CCDC7: variants seen among roughly 807,000 people sequenced by gnomAD.
CCDC7 encodes the protein coiled-coil domain containing 7.
In CCDC7, 183 loss-of-function variants were observed where a neutral mutation model predicts 196.9. That is an observed-to-expected ratio of 0.93 (90% CI 0.82 to 1.05). CCDC7 has a LOEUF of 1.05. CCDC7 is among the 50% of genes least tolerant of loss of function. The probability of loss-of-function intolerance (pLI) is 0.00; values close to 1 mark genes in which losing one functional copy is unlikely to be tolerated. For missense variants in CCDC7, 1,540 were observed against 1,482.2 expected (o/e 1.04, Z -0.64); for synonymous variants, 525 against 484.6 (o/e 1.08, Z -1.10).
At chr10:32,705,678 G>C (rs567741680) in intron 24 of CCDC7, among the ~76,000 whole-genome samples, 1 of 152,086 alleles carries the variant, frequency 6.6e-6, no homozygotes, top group Non-Finnish European at 1.5e-5. Flanking sequence ...CCTAGTCTCT[G>C]TTAAAACAGA....
At chr10:32,714,397 C>T (rs575397765) in intron 25 of CCDC7, among the ~76,000 whole-genome samples, 3 of 152,280 alleles carry the variant, frequency 2.0e-5, no homozygotes, top group South Asian at 2.1e-4. Context: ...CCACAGTCTT[C>T]GCATCACGCA....
At chr10:32,679,882 T>TA (rs1441477065) in intron 21 of CCDC7, among the ~76,000 whole-genome samples, 2 of 152,204 alleles carry the variant, frequency 1.3e-5, no homozygotes, top group Non-Finnish European at 2.9e-5. Flanking sequence ...GGTAAACTGA[T>TA]CCTAATCATC....
intron 30 of CCDC7, 21 bp from the exon 32 acceptor site, chr10:32,814,349 G>T: frequency 6.7e-7 from 1 of 1,484,966 alleles, no homozygotes; most frequent in South Asian, 1.1e-5. Flanking sequence ...ACAGTGTTTT[G>T]ATACCTGTTT....
exon 19 of CCDC7, chr10:32,634,303 A>G: frequency 8.2e-7 from 1 of 1,219,838 alleles, no homozygotes; most frequent in East Asian, 3.2e-5. Flanking sequence ...ATAAAGATTC[A>G]GTAACAAAAG....
chr10:32,738,749 C>T (rs963642543), intron 28 of CCDC7, among the ~76,000 whole-genome samples: 1 of 152,104 alleles, frequency 6.6e-6, no homozygotes, highest in Non-Finnish European at 1.5e-5. Flanking sequence ...GCTGGGACTA[C>T]AGGCAAGAGC....
intron 28 of CCDC7, among the ~76,000 whole-genome samples, chr10:32,750,489 C>T (rs1018133441): frequency 2.0e-5 from 3 of 152,084 alleles, no homozygotes; most frequent in Admixed American, 2.0e-4. Flanking sequence ...AAAGAGAGCT[C>T]TATGGAGAGA....
At chr10:32,496,470 A>G (rs2042930322) in intron 9 of CCDC7, among the ~76,000 whole-genome samples, 1 of 152,162 alleles carries the variant, frequency 6.6e-6, no homozygotes, top group Admixed American at 6.5e-5. Flanking sequence ...CCAGTTTTCA[A>G]AGGAATGCTT....
intron 20 of CCDC7, among the ~76,000 whole-genome samples, chr10:32,656,174 T>C (rs2069821217): frequency 6.6e-6 from 1 of 152,232 alleles, no homozygotes. Context: ...TTTATATTTA[T>C]TATGGCAGTT....
chr10:32,720,688 G>T (rs1307222243), intron 25 of CCDC7, among the ~76,000 whole-genome samples: 1 of 152,088 alleles, frequency 6.6e-6, no homozygotes, highest in Admixed American at 6.6e-5. Flanking sequence ...GGCATTCAGT[G>T]CACTTTCTGA....
At chr10:32,666,879 G>A (rs1321669503) in intron 21 of CCDC7, among the ~76,000 whole-genome samples, 2 of 151,994 alleles carry the variant, frequency 1.3e-5, no homozygotes, top group African/African-American at 4.8e-5. Flanking sequence ...ATAATCCTTT[G>A]GGTATATACC....
chr10:32,758,539 A>T (rs1467660336), intron 28 of CCDC7, among the ~76,000 whole-genome samples: 2 of 152,186 alleles, frequency 1.3e-5, no homozygotes, highest in African/African-American at 4.8e-5. Flanking sequence ...CCTTTGACAA[A>T]ATTCAACACC....
chr10:32,795,176 C>A (rs1364230375), intron 29 of CCDC7, among the ~76,000 whole-genome samples: 2 of 152,068 alleles, frequency 1.3e-5, no homozygotes, highest in Non-Finnish European at 2.9e-5. Flanking sequence ...CTTTTTCTTG[C>A]TCAGTTTCCT....
At chr10:32,823,229 G>A (rs538538589) in intron 31 of CCDC7, among the ~76,000 whole-genome samples, 4 of 151,442 alleles carry the variant, frequency 2.6e-5, no homozygotes, top group African/African-American at 9.7e-5. Context: ...CACAACCTCC[G>A]CCTCCCAGGT....
chr10:32,443,764 G>C (rs1440841878), upstream of CCDC7, among the ~76,000 whole-genome samples: 1 of 151,768 alleles, frequency 6.6e-6, no homozygotes, highest in East Asian at 1.9e-4. Flanking sequence ...TTTCAAGATT[G>C]TTTTGGCTCT....
chr10:32,540,486 C>T (rs1005472371), intron 11 of CCDC7, among the ~76,000 whole-genome samples: 6 of 152,172 alleles, frequency 3.9e-5, no homozygotes, highest in Non-Finnish European at 7.3e-5. Flanking sequence ...GCTTGCCACT[C>T]TGTACCTTTT....
At chr10:32,792,328 T>C (rs2082840141) in intron 29 of CCDC7, among the ~76,000 whole-genome samples, 4 of 152,184 alleles carry the variant, frequency 2.6e-5, no homozygotes, top group Admixed American at 1.3e-4. Context: ...AGATCATATA[T>C]ATCTCTAGAA....
chr10:32,639,820 G>A (rs2066384623), intron 20 of CCDC7, among the ~76,000 whole-genome samples: 1 of 151,936 alleles, frequency 6.6e-6, no homozygotes, highest in Non-Finnish European at 1.5e-5. Flanking sequence ...TAGTAGAGAT[G>A]GGGTTTCACC....
chr10:32,714,733 G>T (rs1309720285), intron 25 of CCDC7, among the ~76,000 whole-genome samples: 2 of 152,150 alleles, frequency 1.3e-5, no homozygotes, highest in African/African-American at 2.4e-5. Context: ...CCATTACTGA[G>T]GCTTGAGTAG....
intron 9 of CCDC7, among the ~76,000 whole-genome samples, chr10:32,517,208 A>G (rs2047161047): frequency 1.3e-5 from 2 of 152,090 alleles, no homozygotes; most frequent in Admixed American, 1.3e-4. Context: ...GTTCTTTACA[A>G]CTCCTGCTAT....
Sources: allele counts gnomAD v4.1 joint callset (sites outside exome capture counted in the v4.1 genomes callset), GRCh38; gene constraint gnomAD v4.1.1; transcripts MANE v1.5; gene names NCBI Gene and HGNC (gene_info 2026-07-23, HGNC 2026-07-21).